The following PPP2CB variants were observed in gnomAD, a reference collection of about 807,000 sequenced individuals.
PPP2CB encodes the protein serine/threonine-protein phosphatase 2A catalytic subunit beta isoform.
A neutral mutation model predicts 39.1 loss-of-function variants in PPP2CB; 18 were observed. The observed-to-expected ratio is 0.46, with a 90% confidence interval of 0.32 to 0.68. The LOEUF is 0.68. Ranked by LOEUF, PPP2CB falls within the 30% of genes least tolerant of loss-of-function variation. PPP2CB has a pLI of 0.04. For missense variants in PPP2CB, 226 were observed against 396.9 expected (o/e 0.57, Z 3.66); for synonymous variants, 129 against 133.8 (o/e 0.96, Z 0.25).
At chr8:30,811,366 CTT>C (rs2128763272) in intron 1 of PPP2CB, among the ~76,000 whole-genome samples, 1 of 152,306 alleles carries the variant, frequency 6.6e-6, no homozygotes, top group East Asian at 1.9e-4. Flanking sequence ...AAAATCAACA[CTT>C]TACTTCCAAG....
intron 1 of PPP2CB, among the ~76,000 whole-genome samples, chr8:30,808,492 A>G (rs1806763378): frequency 6.6e-6 from 1 of 152,236 alleles, no homozygotes; most frequent in South Asian, 2.1e-4. Context: ...TAGTATTTCC[A>G]ATAGAATAAA....
chr8:30,809,148 A>G (rs1586129072), intron 1 of PPP2CB, among the ~76,000 whole-genome samples: 1 of 151,588 alleles, frequency 6.6e-6, no homozygotes, highest in Non-Finnish European at 1.5e-5. Flanking sequence ...TCCTGGCCTC[A>G]AGTGATCTAC....
At chr8:30,795,660 T>A (rs989773455) in intron 3 of PPP2CB, among the ~76,000 whole-genome samples, 1 of 152,250 alleles carries the variant, frequency 6.6e-6, no homozygotes, top group Non-Finnish European at 1.5e-5. Context: ...ACAGAAATTA[T>A]ATGTTCCTTA....
chr8:30,790,905 T>A, intron 6 of PPP2CB: 1 of 238,264 alleles, frequency 4.2e-6, no homozygotes, highest in Non-Finnish European at 8.0e-6. Context: ...CTGGGAGGAG[T>A]TGGAGGGGGC....
At chr8:30,801,384 T>A (rs1379820558) in intron 1 of PPP2CB, among the ~76,000 whole-genome samples, 1 of 151,846 alleles carries the variant, frequency 6.6e-6, no homozygotes, top group East Asian at 1.9e-4. Context: ...TACAAAAAAT[T>A]AGCCCGGCAT....
intron 1 of PPP2CB, among the ~76,000 whole-genome samples, chr8:30,808,348 C>T (rs139491359): frequency 2.4e-3 from 372 of 152,220 alleles, no homozygotes; most frequent in African/African-American, 8.5e-3. Context: ...ATCCGCCCAC[C>T]TCGACCTCCC....
rs144684069 is a variant in PPP2CB at position 30,791,429 on chromosome 8, G to C, written c.739-114C>G. 1.7e-3 allele frequency: 1,261 copies of C among 745,442 alleles called. 2 individuals are homozygous for C. The highest frequency in any genetic ancestry group is 2.5e-3 in the Non-Finnish European group (1,118 of 439,008). 46.2% of individuals were successfully genotyped at this position (745,442 alleles called of 1,614,324 possible). ...AGGTACTCTCTGTGGAAATGTAGTC[G>C]TCTATATTACTATATAAGGTCTCCA... On this transcript the variant is annotated intron_variant, in intron 5 of 6. Transcript: ENST00000221138.
intron 5 of PPP2CB, 166 bp from the exon 6 acceptor site, chr8:30,791,481 G>T (rs1806427779): frequency 1.7e-6 from 1 of 574,374 alleles, no homozygotes; most frequent in African/African-American, 2.0e-5. Flanking sequence ...TACCTGTAAA[G>T]AATACTGTGC....
intron 1 of PPP2CB, among the ~76,000 whole-genome samples, chr8:30,805,686 A>T (rs2128762514): frequency 6.6e-6 from 1 of 152,342 alleles, no homozygotes; most frequent in East Asian, 1.9e-4. Flanking sequence ...TCTAAGATTG[A>T]ATAGGTGAGA....
In PPP2CB at chr8:30,812,450, G is replaced by T; in HGVS notation, c.-29C>A. ...GGCCCGATCCCGATGCGGATCCCGA[G>T]CCCCAGCCCGGCCGCCGCCCTCCCC... On this transcript the variant is annotated 5_prime_UTR_variant, in exon 1 of 7. Coordinates refer to ENST00000221138, the MANE Select transcript of PPP2CB (RefSeq NM_001009552.2). 3 of 1,466,446 alleles carry T rather than the reference G, an allele frequency of 2.0e-6. No individual in the cohort carries two copies. The highest frequency in any genetic ancestry group is 2.7e-6 in the Non-Finnish European group (3 of 1,101,180). The allele number at this position is 1,466,446 out of a possible 1,614,324, so 90.8% of individuals were successfully genotyped here. A position where few individuals can be genotyped will look rare whatever the true frequency, so the allele number is the denominator to read the frequency against.
chr8:30,796,731 A>G (rs1806532662), intron 3 of PPP2CB, among the ~76,000 whole-genome samples: 1 of 152,152 alleles, frequency 6.6e-6, no homozygotes, highest in Non-Finnish European at 1.5e-5. Context: ...GCTTACAGTG[A>G]TTATCTCTAG....
At position 30,791,270 on chromosome 8, in the gene PPP2CB, C is replaced by T; in HGVS notation, c.784G>A (p.Ala262Thr). Residue 262 changes from alanine to threonine, a missense_variant, in exon 6 of 7, where the codon GCA becomes ACA. Transcript: ENST00000221138. ...CCACAACGATAACAGTAATTGGGTG[C>T]ACTGAAAATGGTAACCACATTCCGA... Reference protein sequence around the residue: ...HDRNVVTIFSAPNYCYRCGNQ... With the variant: ...HDRNVVTIFSTPNYCYRCGNQ... 6.2e-7 allele frequency: 1 copy of T among 1,612,392 alleles called. No homozygotes were observed. Among genetic ancestry groups the T allele is most frequent in the Non-Finnish European group, 8.5e-7 (1 of 1,179,606 alleles).
chr8:30,809,180 C>T (rs1049299867), intron 1 of PPP2CB, among the ~76,000 whole-genome samples: 9 of 151,636 alleles, frequency 5.9e-5, no homozygotes. Flanking sequence ...TCCCAAAATG[C>T]TGGGATTACA....
In PPP2CB at chr8:30,812,331, G is replaced by A. The variant is rs1301043441; in HGVS notation, c.91C>T (p.Leu31=). Residue 31 remains leucine, a synonymous_variant, in exon 1 of 7, where the codon CTG becomes TTG. Transcript: ENST00000221138. ...KQLNENQVRT[L]CEKAKEILTK... ...CGCGGCGCCCTCACCTTCTCGCACAGCGTCCGCACTTGGTTCTCGTTCAGC... is the reference window on the plus strand; with the variant it reads ...CGCGGCGCCCTCACCTTCTCGCACAACGTCCGCACTTGGTTCTCGTTCAGC... The A allele has an allele frequency of 6.5e-7, 1 of 1,540,772 alleles. No individual in the cohort carries two copies.
intron 2 of PPP2CB, 128 bp downstream of exon 2, chr8:30,799,417 TA>T: frequency 1.4e-6 from 1 of 735,014 alleles, no homozygotes. Context: ...TAAAAAGATG[TA>T]AAACCAATTA....
At chr8:30,807,178 T>C (rs1236519962) in intron 1 of PPP2CB, among the ~76,000 whole-genome samples, 1 of 152,226 alleles carries the variant, frequency 6.6e-6, no homozygotes, top group Non-Finnish European at 1.5e-5. Flanking sequence ...TTTTAGATTT[T>C]ATCAATGGAC....
chr8:30,787,515 T>A (rs1005311048), intron 6 of PPP2CB, among the ~76,000 whole-genome samples: 3 of 152,204 alleles, frequency 2.0e-5, no homozygotes, highest in African/African-American at 7.2e-5. Context: ...AATTTTTGTA[T>A]TCTTTGTAGA....
intron 1 of PPP2CB, among the ~76,000 whole-genome samples, chr8:30,800,873 C>A (rs1284386943): frequency 1.3e-5 from 2 of 152,124 alleles, no homozygotes; most frequent in Non-Finnish European, 2.9e-5. Flanking sequence ...ATACAGAATG[C>A]AAACCGAGAG....
intron 1 of PPP2CB, chr8:30,810,288 T>C (rs1313864008): frequency 1.3e-5 from 2 of 152,176 alleles, no homozygotes; most frequent in African/African-American, 4.8e-5. Flanking sequence ...CCATCTCTAC[T>C]AGAAATACAA....
Sources: allele counts gnomAD v4.1 joint callset (sites outside exome capture counted in the v4.1 genomes callset), GRCh38; gene constraint gnomAD v4.1.1; transcripts MANE v1.5; gene names NCBI Gene and HGNC (gene_info 2026-07-23, HGNC 2026-07-21).